Variants in THSD7B observed in about 807,000 individuals in gnomAD.
THSD7B encodes thrombospondin type-1 domain-containing protein 7B.
Under a neutral mutation model 213.6 loss-of-function variants are expected in THSD7B, and 138 were observed. The observed-to-expected ratio is 0.65, with a 90% CI of 0.56 to 0.74. THSD7B has a LOEUF of 0.74. Among genes scored for constraint, THSD7B ranks in the 30% least tolerant of loss-of-function variants. THSD7B has a pLI of 0.00. For synonymous variants in THSD7B, 742 were observed against 687.0 expected, an observed-to-expected ratio of 1.08 and a Z score of -1.25; for missense variants, 1,931 against 1,991.5, an observed-to-expected ratio of 0.97 and a Z score of 0.58.
intron 15 of THSD7B, among the ~76,000 whole-genome samples, chr2:137,514,183 G>A (rs563809274): frequency 3.3e-5 from 5 of 152,174 alleles, no homozygotes; most frequent in Non-Finnish European, 7.3e-5. Context: ...TGGATTGAAA[G>A]ATGCAAACTA....
At chr2:137,293,351 T>C (rs1683383540) in intron 12 of THSD7B, among the ~76,000 whole-genome samples, 1 of 152,020 alleles carries the variant, frequency 6.6e-6, no homozygotes, top group South Asian at 2.1e-4. Flanking sequence ...TTGCCCAGGA[T>C]GACCTAAAAT....
chr2:137,477,619 T>TA (rs1688220113), intron 15 of THSD7B, among the ~76,000 whole-genome samples: 1 of 152,086 alleles, frequency 6.6e-6, no homozygotes, highest in African/African-American at 2.4e-5. Context: ...TCTTATTTTT[T>TA]ATCATTGCAG....
intron 12 of THSD7B, among the ~76,000 whole-genome samples, chr2:137,306,230 A>G (rs1199752490): frequency 6.6e-6 from 1 of 152,062 alleles, no homozygotes; most frequent in African/African-American, 2.4e-5. Context: ...AGGTGATAGG[A>G]ATTTTTCTGC....
intron 13 of THSD7B, among the ~76,000 whole-genome samples, chr2:137,410,032 A>G (rs1686616648): frequency 6.6e-6 from 1 of 152,184 alleles, no homozygotes; most frequent in South Asian, 2.1e-4. Flanking sequence ...TGAGAGATTC[A>G]ACAATATTTT....
intron 5 of THSD7B, among the ~76,000 whole-genome samples, chr2:137,131,590 C>T: frequency 6.6e-6 from 1 of 152,174 alleles, no homozygotes; most frequent in Non-Finnish European, 1.5e-5. Flanking sequence ...TTTCAGCTTT[C>T]TACATATGGC....
At chr2:137,078,610 TGCA>T (rs1441048575) in intron 3 of THSD7B, among the ~76,000 whole-genome samples, 1 of 152,168 alleles carries the variant, frequency 6.6e-6, no homozygotes, top group East Asian at 1.9e-4. Context: ...CATTAATTTC[TGCA>T]TTTGTCTTTA....
At chr2:137,160,448 CT>C (rs1679998028) in intron 6 of THSD7B, 80 bp downstream of exon 6, 1 of 1,497,506 alleles carries the variant, frequency 6.7e-7, no homozygotes, top group Non-Finnish European at 9.0e-7. Flanking sequence ...CTGATTAAGC[CT>C]GCTTAAGACA....
At chr2:137,001,060 A>G (rs1046597715) in intron 2 of THSD7B, among the ~76,000 whole-genome samples, 1 of 152,130 alleles carries the variant, frequency 6.6e-6, no homozygotes, top group Non-Finnish European at 1.5e-5. Flanking sequence ...TTTTAAGAGC[A>G]TGTGTTCTAT....
At chr2:136,923,034 C>T (rs1684461012) in intron 2 of THSD7B, among the ~76,000 whole-genome samples, 1 of 152,210 alleles carries the variant, frequency 6.6e-6, no homozygotes. Flanking sequence ...TAAGTACATA[C>T]ACATTGTGCA....
intron 5 of THSD7B, among the ~76,000 whole-genome samples, chr2:137,138,876 C>T (rs1474579873): frequency 6.6e-6 from 1 of 152,040 alleles, no homozygotes; most frequent in Non-Finnish European, 1.5e-5. Context: ...TTGAACTCTC[C>T]AGCTCAGCAA....
chr2:137,444,768 G>C (rs1005226442), intron 14 of THSD7B, among the ~76,000 whole-genome samples: 2 of 151,906 alleles, frequency 1.3e-5, no homozygotes, highest in African/African-American at 4.8e-5. Context: ...ATGGACAAAT[G>C]GGATCACATC....
At chr2:137,073,515 G>A (rs529364886) in intron 3 of THSD7B, among the ~76,000 whole-genome samples, 7 of 152,048 alleles carry the variant, frequency 4.6e-5, no homozygotes, top group Non-Finnish European at 1.0e-4. Context: ...TATCAATTTT[G>A]TTGATCGTTC....
chr2:136,947,672 T>A (rs1407980269), intron 2 of THSD7B, among the ~76,000 whole-genome samples: 2 of 152,228 alleles, frequency 1.3e-5, no homozygotes, highest in African/African-American at 2.4e-5. Flanking sequence ...TGACGGCACA[T>A]GGGAGGATAA....
intron 7 of THSD7B, among the ~76,000 whole-genome samples, chr2:137,208,106 C>A (rs1341632562): frequency 6.6e-6 from 1 of 152,064 alleles, no homozygotes; most frequent in Admixed American, 6.6e-5. Context: ...CAGACCAACT[C>A]AAAATTACGA....
intron 15 of THSD7B, among the ~76,000 whole-genome samples, chr2:137,510,177 G>A (rs187347093): frequency 2.4e-4 from 37 of 152,012 alleles, no homozygotes; most frequent in African/African-American, 6.7e-4. Context: ...TTCTATTTCC[G>A]TCATTTATTT....
At chr2:137,004,328 C>A (rs1686062716) in intron 2 of THSD7B, among the ~76,000 whole-genome samples, 1 of 149,958 alleles carries the variant, frequency 6.7e-6, no homozygotes. Context: ...CACACACACA[C>A]ACACACACAC....
At chr2:137,406,767 G>GCATAAC (rs1686529334) in intron 13 of THSD7B, among the ~76,000 whole-genome samples, 1 of 152,200 alleles carries the variant, frequency 6.6e-6, no homozygotes. Context: ...TAGGTGAAAT[G>GCATAAC]CATAACCATA....
At chr2:137,225,198 C>A (rs1379994839) in intron 7 of THSD7B, among the ~76,000 whole-genome samples, 2 of 152,162 alleles carry the variant, frequency 1.3e-5, no homozygotes, top group Non-Finnish European at 1.5e-5. Flanking sequence ...ACTTATGTGG[C>A]CTTGTATTCT....
chr2:136,931,084 T>C (rs1289256953), intron 2 of THSD7B, among the ~76,000 whole-genome samples: 2 of 152,172 alleles, frequency 1.3e-5, no homozygotes, highest in East Asian at 3.9e-4. Flanking sequence ...AGACTGGATA[T>C]GTTTGCCACA....
Sources: gnomAD v4.1 joint callset for allele counts (sites outside exome capture counted in the v4.1 genomes callset) on GRCh38, gnomAD v4.1.1 for gene constraint, MANE v1.5 for transcripts, NCBI Gene and HGNC (gene_info 2026-07-23, HGNC 2026-07-21) for gene names.